CCDC141: variants seen among roughly 807,000 people sequenced by gnomAD.
CCDC141 encodes the protein coiled-coil domain containing 141.
CCDC141 carries 168 observed loss-of-function variants against 181.0 expected under a neutral mutation model. The observed-to-expected ratio is 0.93, with a 90% confidence interval of 0.82 to 1.05. The LOEUF is 1.05. CCDC141 is among the 50% of genes least tolerant of loss of function. CCDC141 has a pLI of 0.00. For synonymous variants in CCDC141, 666 were observed against 642.3 expected (o/e 1.04, Z -0.56); for missense variants, 1,902 against 1,788.5 (o/e 1.06, Z -1.14).
intron 7 of CCDC141, among the ~76,000 whole-genome samples, chr2:178,907,027 C>A (rs1012900794): frequency 6.6e-6 from 1 of 152,152 alleles, no homozygotes; most frequent in African/African-American, 2.4e-5. Flanking sequence ...CCTCATGTCT[C>A]CCATGTCTGC....
Position 178,836,925 on chromosome 2 carries a change from C to T in CCDC141, c.4294G>A (p.Val1432Ile), listed in dbSNP as rs1561619667. Residue 1432 changes from valine to isoleucine, a missense_variant, in exon 23 of 24, where the codon GTA becomes ATA. Physicochemically the swap from Val to Ile is conservative, Grantham distance 29. Coordinates refer to ENST00000443758, the MANE Select transcript of CCDC141 (RefSeq NM_173648.4). ...EGSPVTLEVE[V>I]TGFPEPTLTW... ...AGTGTAGGCTCTGGAAATCCTGTTA[C>T]TTCAACTTCCAAAGTCACTGGAGAA... 1.2e-6 allele frequency: 2 copies of T among 1,612,886 alleles called. No homozygotes were observed. The highest frequency in any genetic ancestry group is 1.7e-6 in the Non-Finnish European group (2 of 1,179,650).
chr2:178,950,814 C>T (rs1434157532), intron 5 of CCDC141, among the ~76,000 whole-genome samples: 1 of 152,186 alleles, frequency 6.6e-6, no homozygotes, highest in Non-Finnish European at 1.5e-5. Context: ...AAACTTGTTA[C>T]TTTATGAACA....
rs111653115 is a variant in CCDC141, at chr2:178,843,053, CA to C, written c.3474+2572del. Among the ~76,000 whole-genome samples, 791 of 152,092 alleles carry C rather than the reference CA, an allele frequency of 5.2e-3. 12 individuals are homozygous for C. Among genetic ancestry groups the C allele is most frequent in the African/African-American group, 0.018 (731 of 41,500 alleles). ...GAGCACTCCACTGAATTCTTTGGTG[CA>C]AAAAATATTTCCATGCTATTGCTTA... is the stretch of plus-strand genomic sequence containing the variant. On this transcript the variant is annotated intron_variant, in intron 22 of 23. Transcript: ENST00000443758.
At chr2:178,966,271 G>C (rs1002836581) in intron 4 of CCDC141, among the ~76,000 whole-genome samples, 1 of 152,214 alleles carries the variant, frequency 6.6e-6, no homozygotes, top group Non-Finnish European at 1.5e-5. Flanking sequence ...GCTCTGATAA[G>C]GGTCAGACTG....
At chr2:178,847,595 A>C (rs1213453895) in intron 21 of CCDC141, among the ~76,000 whole-genome samples, 1 of 152,206 alleles carries the variant, frequency 6.6e-6, no homozygotes, top group Non-Finnish European at 1.5e-5. Context: ...GTGGGACACT[A>C]AATTTAGCAG....
intron 1 of CCDC141, among the ~76,000 whole-genome samples, chr2:179,048,795 C>T (rs2043584522): frequency 6.6e-6 from 1 of 152,214 alleles, no homozygotes. Flanking sequence ...GGCAGGAATA[C>T]TTTCCATTCT....
chr2:178,864,436 T>C (rs1372241773), intron 17 of CCDC141, among the ~76,000 whole-genome samples: 3 of 152,148 alleles, frequency 2.0e-5, no homozygotes, highest in Non-Finnish European at 4.4e-5. Context: ...TTCTATCAAG[T>C]AGAGGGCAAA....
At chr2:178,885,243 C>CT (rs1686825323) in intron 10 of CCDC141, among the ~76,000 whole-genome samples, 151 bp from the exon 11 acceptor site, 1 of 125,952 alleles carries the variant, frequency 7.9e-6, no homozygotes, top group African/African-American at 3.0e-5. Flanking sequence ...TTCCAAAATT[C>CT]TAAAAAAAAA....
chr2:178,915,197 G>T (rs1429142014), intron 7 of CCDC141, among the ~76,000 whole-genome samples: 2 of 151,542 alleles, frequency 1.3e-5, no homozygotes, highest in Admixed American at 1.3e-4. Flanking sequence ...AAGAAAGAAA[G>T]AAAATGAAAG....
intron 4 of CCDC141, among the ~76,000 whole-genome samples, chr2:178,972,742 T>C (rs1294153768): frequency 1.3e-5 from 2 of 152,200 alleles, no homozygotes; most frequent in East Asian, 1.9e-4. Flanking sequence ...GAAGGTATAT[T>C]ATTCCCTCTC....
chr2:178,884,494 T>G (rs1686782639), intron 11 of CCDC141, among the ~76,000 whole-genome samples: 1 of 152,204 alleles, frequency 6.6e-6, no homozygotes, highest in South Asian at 2.1e-4. Flanking sequence ...AATGTAGGTT[T>G]TCACATGTAA....
intron 8 of CCDC141, among the ~76,000 whole-genome samples, chr2:178,894,519 A>T (rs988824127): frequency 5.3e-5 from 8 of 152,164 alleles, no homozygotes; most frequent in Admixed American, 1.3e-4. Flanking sequence ...AGATTAAAAA[A>T]ACCCAACACC....
At chr2:178,912,781 CTT>C (rs780735824) in intron 7 of CCDC141, among the ~76,000 whole-genome samples, 26 of 152,202 alleles carry the variant, frequency 1.7e-4, no homozygotes, top group Non-Finnish European at 3.5e-4. Flanking sequence ...CTTCTACCAC[CTT>C]TGTCTCTCAT....
At chr2:178,897,714 G>C (rs1367642862) in intron 8 of CCDC141, among the ~76,000 whole-genome samples, 3 of 152,128 alleles carry the variant, frequency 2.0e-5, no homozygotes, top group Non-Finnish European at 4.4e-5. Flanking sequence ...AACAGGAAAG[G>C]CAAATCAATA....
At chr2:178,961,666 A>G (rs1690408000) in intron 4 of CCDC141, among the ~76,000 whole-genome samples, 183 bp from the exon 5 acceptor site, 1 of 152,234 alleles carries the variant, frequency 6.6e-6, no homozygotes. Flanking sequence ...AAAACTGGTC[A>G]AACACCTTAG....
Position 178,961,434 on chromosome 2 carries a change from A to G in CCDC141, c.576T>C (p.Thr192=), listed in dbSNP as rs1690393300. Reference sequence around the variant, plus strand: ...CACACTTGAATTTTTCTATGAAGTCAGTGAGTTGTTGACTTTTGTTTAAAA... The same window carrying G: ...CACACTTGAATTTTTCTATGAAGTCGGTGAGTTGTTGACTTTTGTTTAAAA... ...LALLNKSQQL[T]DFIEKFKCEG... is the part of the protein sequence containing the mutation. The change falls in exon 5 of 24, where the codon ACT becomes ACC. Residue 192 remains threonine (T), a synonymous_variant. Coordinates refer to ENST00000443758, the MANE Select transcript of CCDC141 (RefSeq NM_173648.4). 7 of 1,550,472 alleles carry G rather than the reference A, an allele frequency of 4.5e-6. No individual in the cohort carries two copies. Among genetic ancestry groups the G allele is most frequent in the Non-Finnish European group, 6.1e-6 (7 of 1,146,872 alleles).
At chr2:178,886,730 T>C (rs1575170927) in intron 10 of CCDC141, 22 bp downstream of exon 10, 1 of 1,342,708 alleles carries the variant, frequency 7.4e-7, no homozygotes, top group African/African-American at 1.5e-5. Flanking sequence ...ATAGCCATAA[T>C]AATCATTCTC....
intron 7 of CCDC141, among the ~76,000 whole-genome samples, chr2:178,912,551 G>T (rs1688263397): frequency 6.6e-6 from 1 of 152,068 alleles, no homozygotes; most frequent in South Asian, 2.1e-4. Flanking sequence ...CCTGACCTCT[G>T]AGCTCTAAAA....
At chr2:178,930,787 C>A (rs913682225) in intron 6 of CCDC141, among the ~76,000 whole-genome samples, 1 of 151,966 alleles carries the variant, frequency 6.6e-6, no homozygotes, top group Non-Finnish European at 1.5e-5. Flanking sequence ...TTACCTCACA[C>A]CATACACAAA....
Sources: gnomAD v4.1 joint callset for allele counts (sites outside exome capture counted in the v4.1 genomes callset) on GRCh38, gnomAD v4.1.1 for gene constraint, MANE v1.5 for transcripts, NCBI Gene and HGNC (gene_info 2026-07-23, HGNC 2026-07-21) for gene names.